The following SLC1A7 variants were observed in gnomAD, a reference collection of about 807,000 sequenced individuals.
SLC1A7 encodes solute carrier family 1 member 7, also known as excitatory amino acid transporter 5.
A neutral mutation model predicts 47.7 loss-of-function variants in SLC1A7; 40 were observed. The ratio of observed to expected loss-of-function variants is 0.84; its 90% CI spans 0.65 to 1.09. SLC1A7 has a LOEUF of 1.09. SLC1A7 is among the 50% of genes least tolerant of loss of function. The pLI is 0.00. For synonymous variants in SLC1A7, 323 were observed against 325.6 expected, an observed-to-expected ratio of 0.99 and a Z score of 0.09; for missense variants, 746 against 769.5, an observed-to-expected ratio of 0.97 and a Z score of 0.36.
intron 2 of SLC1A7, among the ~76,000 whole-genome samples, chr1:53,121,853 G>T (rs776218183): frequency 3.0e-4 from 46 of 152,320 alleles, no homozygotes; most frequent in Non-Finnish European, 4.9e-4. Context: ...AGGGCTGGTG[G>T]GCCCCCTGCC....
intron 4 of SLC1A7, among the ~76,000 whole-genome samples, chr1:53,105,217 G>A (rs1051029013): frequency 2.0e-5 from 3 of 152,092 alleles, no homozygotes; most frequent in Non-Finnish European, 4.4e-5. Flanking sequence ...TATATTGTTT[G>A]GTATTTTCCT....
chr1:53,127,117 C>T (rs184548868), intron 2 of SLC1A7, among the ~76,000 whole-genome samples: 12 of 115,368 alleles, frequency 1.0e-4, no homozygotes, highest in Admixed American at 7.4e-4. Context: ...AATATGAAAA[C>T]ATCTTTAAAG....
At chr1:53,126,607 C>T (rs1338108149) in intron 2 of SLC1A7, among the ~76,000 whole-genome samples, 1 of 152,156 alleles carries the variant, frequency 6.6e-6, no homozygotes, top group Non-Finnish European at 1.5e-5. Context: ...GTCTTGATCT[C>T]TGGGAATGAA....
chr1:53,096,075 A>T (rs1396109653), intron 5 of SLC1A7, among the ~76,000 whole-genome samples: 4 of 138,218 alleles, frequency 2.9e-5, no homozygotes, highest in Non-Finnish European at 6.2e-5. Context: ...GTACACTCAC[A>T]CTGCCTTGGT....
chr1:53,103,823 C>G (rs1572317585), intron 4 of SLC1A7, among the ~76,000 whole-genome samples: 1 of 152,158 alleles, frequency 6.6e-6, no homozygotes, highest in Admixed American at 6.5e-5. Flanking sequence ...ACTTCTATAC[C>G]TCATCACCCC....
At chr1:53,135,764 G>A (rs2150346489) in intron 1 of SLC1A7, among the ~76,000 whole-genome samples, 1 of 152,200 alleles carries the variant, frequency 6.6e-6, no homozygotes, top group African/African-American at 2.4e-5. Context: ...ACTTAATTCA[G>A]TTCTGCTACT....
chr1:53,101,291 C>T (rs1156264606), intron 5 of SLC1A7, among the ~76,000 whole-genome samples: 1 of 143,382 alleles, frequency 7.0e-6, no homozygotes, highest in African/African-American at 2.6e-5. Flanking sequence ...CACACCCCAC[C>T]TCGGTACACT....
intron 4 of SLC1A7, among the ~76,000 whole-genome samples, chr1:53,104,817 C>A (rs987840769): frequency 6.6e-6 from 1 of 152,198 alleles, no homozygotes; most frequent in African/African-American, 2.4e-5. Context: ...GTCAACCAAC[C>A]AGCTGACAGT....
At position 53,103,481 on chromosome 1, in the gene SLC1A7, G is replaced by A; in HGVS notation, c.562C>T (p.Gln188Ter). ...PPRRILIYGV[Q>*]EENGSHVQNF... ...TGCACATGGGAGCCATTCTCCTCCT[G>A]GACCCCGTAGATGAGGATCCGCCGA... The change falls in exon 5 of 11, where the codon CAG (glutamine) becomes TAG (stop). Residue 188 changes from glutamine (Q) to a stop codon, truncating the protein, a stop_gained. Coordinates refer to ENST00000371494, the MANE Select transcript of SLC1A7 (RefSeq NM_006671.6). LOFTEE classifies it high-confidence loss of function. 1 of 1,613,296 alleles carries A rather than the reference G, an allele frequency of 6.2e-7. No individual in the cohort carries two copies. Among genetic ancestry groups the A allele is most frequent in the Non-Finnish European group, 8.5e-7 (1 of 1,179,718 alleles).
intron 5 of SLC1A7, 48 bp downstream of exon 5, chr1:53,103,292 GAGGGGC>G: frequency 7.4e-7 from 1 of 1,354,026 alleles, no homozygotes; most frequent in South Asian, 1.4e-5. Flanking sequence ...AGGCTGCTGG[GAGGGGC>G]TGGGGGCCCG....
At chr1:53,099,547 A>T (rs906066289) in intron 5 of SLC1A7, among the ~76,000 whole-genome samples, 10 of 110,406 alleles carry the variant, frequency 9.1e-5, no homozygotes, top group Non-Finnish European at 1.8e-4. Flanking sequence ...CCACCACAAT[A>T]CCCTCACTTT....
In SLC1A7 at chr1:53,142,601, G is replaced by A. The variant is rs768214361; in HGVS notation, c.-152C>T. The A allele has an allele frequency of 7.7e-6, 6 of 775,304 alleles. No homozygotes were observed. Among genetic ancestry groups the A allele is most frequent in the African/African-American group, 1.8e-5 (1 of 56,972 alleles). 48.0% of individuals were successfully genotyped at this position (775,304 alleles called of 1,614,324 possible). A position where few individuals can be genotyped will look rare whatever the true frequency, so the allele number is the denominator to read the frequency against. On this transcript the variant is annotated 5_prime_UTR_variant, in exon 1 of 11. It adds an upstream start codon to the 5' untranslated region. Transcript: ENST00000371494. ...AGTCGCCAGCCCCACGGCCATGCCC[G>A]TGTGGCCGCCTTAGAGGGAAGCCAC... is the stretch of plus-strand genomic sequence containing the variant.
At chr1:53,094,206 C>T (rs1644458135) in intron 5 of SLC1A7, among the ~76,000 whole-genome samples, 1 of 152,250 alleles carries the variant, frequency 6.6e-6, no homozygotes, top group African/African-American at 2.4e-5. Context: ...ACTGCATCTC[C>T]TTAGCTGGAG....
At chr1:53,134,235 C>T in intron 2 of SLC1A7, 115 bp downstream of exon 2, 1 of 687,904 alleles carries the variant, frequency 1.5e-6, no homozygotes, top group Non-Finnish European at 2.5e-6. Flanking sequence ...CACGGTCACA[C>T]TCATCCCAGG....
chr1:53,100,519 G>A (rs61768110), intron 5 of SLC1A7, among the ~76,000 whole-genome samples: 30,941 of 149,074 alleles, frequency 0.21, 3,268 homozygotes, highest in Middle Eastern at 0.3. Context: ...ACACCACCTC[G>A]GTACACTCGC....
chr1:53,124,218 CAAGAAATAGG>C (rs1205234213), intron 2 of SLC1A7, among the ~76,000 whole-genome samples: 2 of 137,224 alleles, frequency 1.5e-5, no homozygotes, highest in East Asian at 4.3e-4. Context: ...AAAGTCCTTA[CAAGAAATAGG>C]AAGGAAAACA....
Position 53,115,397 on chromosome 1 carries a change from T to C in SLC1A7, c.216-424A>G. ...GGCAGGACCAAGCTTGGTCTACCTC[T>C]GAGATCTACCTGCCTCTCCCCCAGA... On this transcript the variant is annotated intron_variant, in intron 2 of 10. Transcript: ENST00000371494. The C allele has an allele frequency of 6.1e-5, 12 of 196,660 alleles. No homozygotes were observed. The East Asian group carries it at 8.1e-4, about 13-fold the overall frequency. 12.2% of individuals were successfully genotyped at this position (196,660 alleles called of 1,614,324 possible).
intron 2 of SLC1A7, among the ~76,000 whole-genome samples, chr1:53,123,625 C>T (rs1267316376): frequency 1.3e-5 from 2 of 152,234 alleles, no homozygotes; most frequent in African/African-American, 4.8e-5. Context: ...GCCCTCCGGG[C>T]ATCGGGCTGG....
At chr1:53,115,132 C>T (rs1272698511) in intron 2 of SLC1A7, 159 bp from the exon 3 acceptor site, 3 of 640,794 alleles carry the variant, frequency 4.7e-6, no homozygotes, top group Middle Eastern at 4.1e-4. Flanking sequence ...TCCAGCCTCT[C>T]TTTCTGCTCT....
Sources: allele counts gnomAD v4.1 joint callset (sites outside exome capture counted in the v4.1 genomes callset), GRCh38; gene constraint gnomAD v4.1.1; transcripts MANE v1.5; gene names NCBI Gene and HGNC (gene_info 2026-07-23, HGNC 2026-07-21).